Variants in RAB11FIP4 observed in about 807,000 individuals in gnomAD.
RAB11FIP4 encodes the protein rab11 family-interacting protein 4.
RAB11FIP4 carries 23 observed loss-of-function variants against 74.3 expected under a neutral mutation model. The observed-to-expected ratio is 0.31, with a 90% CI of 0.22 to 0.44. The LOEUF (loss-of-function observed/expected upper bound fraction) is 0.44, where lower values mean the gene tolerates loss of function less well. Ranked by LOEUF, RAB11FIP4 falls within the 20% of genes least tolerant of loss-of-function variation. The probability of loss-of-function intolerance (pLI) is 1.00; values close to 1 mark genes in which losing one functional copy is unlikely to be tolerated. For synonymous variants in RAB11FIP4, 360 were observed against 359.9 expected, an observed-to-expected ratio of 1.00 and a Z score of 0.00; for missense variants, 630 against 863.9, an observed-to-expected ratio of 0.73 and a Z score of 3.39.
At chr17:31,434,905 G>A (rs988483205) in intron 3 of RAB11FIP4, among the ~76,000 whole-genome samples, 5 of 152,216 alleles carry the variant, frequency 3.3e-5, no homozygotes, top group Non-Finnish European at 7.3e-5. Flanking sequence ...GAATTTGTAG[G>A]CCTGGCGTGA....
intron 3 of RAB11FIP4, among the ~76,000 whole-genome samples, chr17:31,467,099 CTTTCT>C (rs137979635): frequency 7.1e-4 from 106 of 148,998 alleles, no homozygotes; most frequent in East Asian, 4.8e-3. Context: ...CTGAGTATTT[CTTTCT>C]TTTCTTTTCT....
intron 3 of RAB11FIP4, among the ~76,000 whole-genome samples, chr17:31,484,385 T>G (rs58656472): frequency 6.7e-6 from 1 of 149,474 alleles, no homozygotes; most frequent in African/African-American, 2.5e-5. Flanking sequence ...ATTGTCTCTT[T>G]AAAAAAAAAA....
chr17:31,404,193 C>T (rs1012965967), intron 1 of RAB11FIP4, among the ~76,000 whole-genome samples: 1 of 152,224 alleles, frequency 6.6e-6, no homozygotes, highest in Admixed American at 6.5e-5. Flanking sequence ...TTGGCCGCCC[C>T]GCCAGCCCGT....
intron 3 of RAB11FIP4, among the ~76,000 whole-genome samples, chr17:31,488,783 G>T (rs1476764068): frequency 2.7e-5 from 4 of 150,708 alleles, no homozygotes; most frequent in Admixed American, 6.6e-5. Flanking sequence ...CTCCCCAGCC[G>T]AGAAGCTGCA....
chr17:31,484,828 T>A (rs921926133), intron 3 of RAB11FIP4, among the ~76,000 whole-genome samples: 1 of 152,236 alleles, frequency 6.6e-6, no homozygotes, highest in Non-Finnish European at 1.5e-5. Context: ...GTTCTATGTA[T>A]TTTACTGGTC....
chr17:31,511,402 ACAGT>A (rs1300090873), intron 3 of RAB11FIP4, among the ~76,000 whole-genome samples: 1 of 152,214 alleles, frequency 6.6e-6, no homozygotes, highest in African/African-American at 2.4e-5. Context: ...CCAGCATCAG[ACAGT>A]CAGGCAGTGA....
chr17:31,528,857 T>G (rs2072819188), intron 13 of RAB11FIP4, 79 bp downstream of exon 13: 8 of 1,479,158 alleles, frequency 5.4e-6, no homozygotes, highest in Non-Finnish European at 7.3e-6. Flanking sequence ...GGATCTGTGG[T>G]AGGGGAGCCC....
intron 3 of RAB11FIP4, among the ~76,000 whole-genome samples, chr17:31,505,440 A>ATAT (rs33921119): frequency 4.5e-4 from 6 of 13,222 alleles, no homozygotes; most frequent in Admixed American, 1.6e-3. Flanking sequence ...TAATTATTAT[A>ATAT]TAATATATAA....
rs2070872858 is a variant in RAB11FIP4 at position 31,391,764 on chromosome 17, G to T, written c.-89G>T. ...CTGCGCGGCGCAGACCCAGACGGGC[G>T]GCCCCGGAGGGCGCGCGGCGATGGC... On this transcript the variant is annotated 5_prime_UTR_variant, in exon 1 of 15. Coordinates refer to ENST00000621161, the MANE Select transcript of RAB11FIP4 (RefSeq NM_032932.6). 21 of 929,394 alleles carry T rather than the reference G, an allele frequency of 2.3e-5. No homozygotes were observed. Among genetic ancestry groups the T allele is most frequent in the Non-Finnish European group, 2.6e-5 (20 of 781,270 alleles). 57.6% of individuals were successfully genotyped at this position (929,394 alleles called of 1,614,324 possible). A position where few individuals can be genotyped will look rare whatever the true frequency, so the allele number is the denominator to read the frequency against.
chr17:31,460,542 A>G (rs1456079794), intron 3 of RAB11FIP4, among the ~76,000 whole-genome samples: 2 of 152,242 alleles, frequency 1.3e-5, no homozygotes, highest in Non-Finnish European at 2.9e-5. Flanking sequence ...AGAGCCTGAC[A>G]GCAAGACAGA....
intron 3 of RAB11FIP4, among the ~76,000 whole-genome samples, chr17:31,496,633 C>T (rs1008053899): frequency 6.6e-6 from 1 of 152,228 alleles, no homozygotes; most frequent in African/African-American, 2.4e-5. Context: ...GTAAAGTCTT[C>T]CCACATGTAG....
intron 3 of RAB11FIP4, among the ~76,000 whole-genome samples, chr17:31,515,127 G>C (rs2072522672): frequency 6.6e-6 from 1 of 152,194 alleles, no homozygotes; most frequent in African/African-American, 2.4e-5. Flanking sequence ...TGAAGCACAG[G>C]TGGGATAATA....
At chr17:31,457,412 C>T (rs956347803) in intron 3 of RAB11FIP4, among the ~76,000 whole-genome samples, 1 of 152,004 alleles carries the variant, frequency 6.6e-6, no homozygotes, top group African/African-American at 2.4e-5. Context: ...TCCCCAGTTC[C>T]GGCCATGCCC....
chr17:31,421,278 G>A (rs1046581912), intron 1 of RAB11FIP4, among the ~76,000 whole-genome samples: 1 of 150,884 alleles, frequency 6.6e-6, no homozygotes, highest in African/African-American at 2.4e-5. Flanking sequence ...GAAGTGCAGT[G>A]TGTGATCTCA....
chr17:31,495,292 C>T lies in RAB11FIP4; in HGVS notation c.337-22359C>T, dbSNP rs563184675. ...AGCTTGGCTGCCCAGAGGTCTATAGCTCCACTCAGGCGAAGCTGGCTAGCC... is the reference window on the plus strand; with the variant it reads ...AGCTTGGCTGCCCAGAGGTCTATAGTTCCACTCAGGCGAAGCTGGCTAGCC... On this transcript the variant is annotated intron_variant, in intron 3 of 14. Transcript: ENST00000621161. 2.6e-5 allele frequency among the ~76,000 whole-genome samples: 4 copies of T among 151,960 alleles called. No individual in the cohort carries two copies. The South Asian group carries it at 8.3e-4, about 32-fold the overall frequency.
At position 31,491,434 on chromosome 17, in the gene RAB11FIP4, G is replaced by A. The variant is rs561591911; in HGVS notation, c.337-26217G>A. ...GGCAGGTAGAGCAGTAAAACACGGA[G>A]TATGGGAGTTGGCAGGAGGAAGAGC... On this transcript the variant is annotated intron_variant, in intron 3 of 14. Coordinates refer to ENST00000621161, the MANE Select transcript of RAB11FIP4 (RefSeq NM_032932.6). 2.2e-3 allele frequency among the ~76,000 whole-genome samples: 333 copies of A among 152,334 alleles called. 2 individuals are homozygous for A. Among genetic ancestry groups the A allele is most frequent in the Non-Finnish European group, 3.1e-4 (21 of 68,028 alleles).
At chr17:31,454,702 G>A (rs951287718) in intron 3 of RAB11FIP4, among the ~76,000 whole-genome samples, 10 of 152,092 alleles carry the variant, frequency 6.6e-5, no homozygotes, top group African/African-American at 2.4e-4. Context: ...TGGCCAACAT[G>A]GTGAAACCCC....
intron 3 of RAB11FIP4, among the ~76,000 whole-genome samples, chr17:31,479,976 G>A (rs981249420): frequency 6.6e-6 from 1 of 152,100 alleles, no homozygotes; most frequent in Non-Finnish European, 1.5e-5. Flanking sequence ...TGCAAAACAC[G>A]GGGCAAAAGT....
chr17:31,472,746 A>G (rs1316966066), intron 3 of RAB11FIP4, among the ~76,000 whole-genome samples: 1 of 152,090 alleles, frequency 6.6e-6, no homozygotes, highest in East Asian at 1.9e-4. Flanking sequence ...GAAGTGAGGG[A>G]TGGAGGCCAG....
Sources: gnomAD v4.1 joint callset for allele counts (sites outside exome capture counted in the v4.1 genomes callset) on GRCh38, gnomAD v4.1.1 for gene constraint, MANE v1.5 for transcripts, NCBI Gene and HGNC (gene_info 2026-07-23, HGNC 2026-07-21) for gene names.